The following SIL1 variants were observed in gnomAD, a reference collection of about 807,000 sequenced individuals.
SIL1 encodes SIL1 nucleotide exchange factor.
In SIL1, 40 loss-of-function variants were observed where a neutral mutation model predicts 49.1. The observed-to-expected ratio is 0.81, with a 90% CI of 0.63 to 1.06. The LOEUF is 1.06. Ranked by LOEUF, SIL1 falls within the 50% of genes least tolerant of loss-of-function variation. SIL1 has a pLI of 0.00. For missense variants in SIL1, 500 were observed against 572.6 expected (o/e 0.87, Z 1.29); for synonymous variants, 253 against 250.8 (o/e 1.01, Z -0.08).
intron 1 of SIL1, among the ~76,000 whole-genome samples, chr5:139,151,830 A>G (rs1244560619): frequency 6.6e-6 from 1 of 152,252 alleles, no homozygotes; most frequent in African/African-American, 2.4e-5. Flanking sequence ...CTTTCAAAAG[A>G]GAAGGAAAGG....
intron 7 of SIL1, among the ~76,000 whole-genome samples, chr5:138,962,379 G>C (rs745997534): frequency 1.3e-5 from 2 of 151,828 alleles, no homozygotes; most frequent in African/African-American, 2.4e-5. Flanking sequence ...TGGAGTCAGA[G>C]AGACCTAGGT....
chr5:139,188,006 G>C (rs541096931), intron 1 of SIL1: 1 of 152,858 alleles, frequency 6.5e-6, no homozygotes, highest in African/African-American at 2.4e-5. Flanking sequence ...TTCGCCTTCC[G>C]CCATGATGGT....
chr5:139,074,799 T>G (rs1490649196), intron 3 of SIL1, among the ~76,000 whole-genome samples: 1 of 150,406 alleles, frequency 6.6e-6, no homozygotes, highest in Non-Finnish European at 1.5e-5. Flanking sequence ...CCTTCAGAAC[T>G]AAGCATCTCT....
intron 1 of SIL1, among the ~76,000 whole-genome samples, chr5:139,149,085 G>T (rs1046655823): frequency 6.6e-6 from 1 of 151,906 alleles, no homozygotes; most frequent in African/African-American, 2.4e-5. Flanking sequence ...GAGAAGCCAG[G>T]TGCTTGGGTT....
chr5:139,083,218 A>T (rs757991778), intron 3 of SIL1, among the ~76,000 whole-genome samples: 1 of 152,222 alleles, frequency 6.6e-6, no homozygotes, highest in Non-Finnish European at 1.5e-5. Context: ...ATTCAGATGT[A>T]CCTTGAAGGT....
chr5:138,992,618 G>T (rs1391708912), intron 7 of SIL1, among the ~76,000 whole-genome samples: 1 of 151,138 alleles, frequency 6.6e-6, no homozygotes, highest in East Asian at 2.0e-4. Flanking sequence ...AATTTTTCAG[G>T]TTATCTTTTC....
intron 1 of SIL1, among the ~76,000 whole-genome samples, chr5:139,141,015 C>T (rs563699504): frequency 3.3e-5 from 5 of 152,100 alleles, no homozygotes; most frequent in Non-Finnish European, 7.4e-5. Flanking sequence ...CACTGTCCTG[C>T]CAAGACGTCC....
At chr5:138,968,306 C>T (rs1767193732) in intron 7 of SIL1, among the ~76,000 whole-genome samples, 1 of 152,182 alleles carries the variant, frequency 6.6e-6, no homozygotes, top group African/African-American at 2.4e-5. Flanking sequence ...GCAGTGACAG[C>T]AGCAGGCTCA....
intron 1 of SIL1, chr5:139,137,201 A>G (rs1750991187): frequency 1.6e-6 from 1 of 615,242 alleles, no homozygotes; most frequent in African/African-American, 1.8e-5. Flanking sequence ...GTCAACATTT[A>G]TAGAGAACTT....
rs920542937 is a variant in SIL1 at position 139,148,486 on chromosome 5, C to A, written c.-10-20633G>T. Among the ~76,000 whole-genome samples the A allele has an allele frequency of 6.6e-5, 10 of 152,326 alleles. No individual in the cohort carries two copies. In the East Asian group the frequency reaches 1.9e-3, roughly 29 times the overall value. ...TTGCCAGCCAGCCTTCTCACCAAAC[C>A]AGATTTGCTGTAAGGGGATGACATG... On this transcript the variant is annotated intron_variant, in intron 1 of 9. Transcript: ENST00000394817.
intron 1 of SIL1, among the ~76,000 whole-genome samples, chr5:139,188,872 A>G (rs1355792476): frequency 6.6e-6 from 1 of 152,202 alleles, no homozygotes; most frequent in Non-Finnish European, 1.5e-5. Flanking sequence ...TGCTGGCTTG[A>G]GCACCTGACA....
intron 7 of SIL1, among the ~76,000 whole-genome samples, chr5:139,014,563 G>A (rs968586997): frequency 1.3e-5 from 2 of 152,124 alleles, no homozygotes; most frequent in Non-Finnish European, 2.9e-5. Context: ...AAATTCAAGC[G>A]AAATGCTGAA....
intron 2 of SIL1, among the ~76,000 whole-genome samples, chr5:139,121,387 G>A (rs529532624): frequency 3.3e-5 from 5 of 152,258 alleles, no homozygotes; most frequent in South Asian, 4.1e-4. Context: ...TGTCCTGTGC[G>A]TATGTGGTAC....
At chr5:139,113,670 AG>A (rs1770926491) in intron 3 of SIL1, among the ~76,000 whole-genome samples, 2 of 152,236 alleles carry the variant, frequency 1.3e-5, no homozygotes, top group Non-Finnish European at 2.9e-5. Flanking sequence ...TTCAAGCTCT[AG>A]GCCAGCCCTT....
intron 3 of SIL1, among the ~76,000 whole-genome samples, chr5:139,075,578 A>G (rs1769930900): frequency 6.6e-6 from 1 of 152,210 alleles, no homozygotes; most frequent in South Asian, 2.1e-4. Context: ...CTCTGCAGAC[A>G]TCAGTAACAG....
At chr5:139,102,505 A>G (rs1770613616) in intron 3 of SIL1, among the ~76,000 whole-genome samples, 1 of 57,488 alleles carries the variant, frequency 1.7e-5, no homozygotes, top group African/African-American at 4.6e-5. Flanking sequence ...AAAAAAAGAG[A>G]GAGAGAGAGA....
chr5:139,002,077 G>A (rs1767998100), intron 7 of SIL1, among the ~76,000 whole-genome samples: 5 of 152,030 alleles, frequency 3.3e-5, no homozygotes, highest in Admixed American at 2.0e-4. Context: ...CAGGTGTGGT[G>A]GCACTCACCT....
At chr5:139,155,459 G>GAGAGAGAGAGAGAA (rs1561883184) in intron 1 of SIL1, 1 of 151,768 alleles carries the variant, frequency 6.6e-6, no homozygotes, top group Admixed American at 6.6e-5. Flanking sequence ...GAGAGAGAGA[G>GAGAGAGAGAGAGAA]AGAGAGAGAG....
chr5:139,059,777 C>T (rs754536415), intron 3 of SIL1, among the ~76,000 whole-genome samples: 3 of 152,128 alleles, frequency 2.0e-5, no homozygotes, highest in Non-Finnish European at 4.4e-5. Context: ...TTTAAAACTA[C>T]AAGTTTATAC....
Sources: allele counts gnomAD v4.1 joint callset (sites outside exome capture counted in the v4.1 genomes callset), GRCh38; gene constraint gnomAD v4.1.1; transcripts MANE v1.5; gene names NCBI Gene and HGNC (gene_info 2026-07-23, HGNC 2026-07-21).